RORB: variants seen among roughly 807,000 people sequenced by gnomAD.
RORB encodes nuclear receptor ROR-beta.
A neutral mutation model predicts 59.1 loss-of-function variants in RORB; 6 were observed. That is an observed-to-expected ratio of 0.10 (90% CI 0.06 to 0.20). The LOEUF is 0.20. RORB is among the 10% of genes least tolerant of loss of function. RORB has a pLI of 1.00. For synonymous variants in RORB, 215 were observed against 204.5 expected, an observed-to-expected ratio of 1.05 and a Z score of -0.44; for missense variants, 320 against 560.5, an observed-to-expected ratio of 0.57 and a Z score of 4.33.
At chr9:74,640,399 G>A (rs543325854) in intron 3 of RORB, among the ~76,000 whole-genome samples, 6 of 151,736 alleles carry the variant, frequency 4.0e-5, no homozygotes, top group Admixed American at 6.6e-5. Context: ...ACACCACCAC[G>A]CCCACAAGCA....
chr9:74,641,539 A>G (rs1040202919), intron 3 of RORB, among the ~76,000 whole-genome samples: 18 of 152,304 alleles, frequency 1.2e-4, no homozygotes, highest in African/African-American at 3.8e-4. Context: ...AAGGCAAATG[A>G]TGCCATCACT....
intron 1 of RORB, among the ~76,000 whole-genome samples, chr9:74,551,030 G>A (rs1475972573): frequency 6.6e-6 from 1 of 151,798 alleles, no homozygotes; most frequent in Non-Finnish European, 1.5e-5. Context: ...TTTTTTTAAT[G>A]CAGCTACTAA....
chr9:74,547,892 A>G (rs537643000), intron 1 of RORB, among the ~76,000 whole-genome samples: 33 of 152,366 alleles, frequency 2.2e-4, no homozygotes, highest in African/African-American at 7.5e-4. Flanking sequence ...GCTGCAGAAA[A>G]TAGGCTGAAA....
chr9:74,628,970 T>C (rs1373186200), intron 1 of RORB, among the ~76,000 whole-genome samples: 1 of 152,100 alleles, frequency 6.6e-6, no homozygotes, highest in African/African-American at 2.4e-5. Flanking sequence ...AGAAATCCCA[T>C]GCCCCACCAT....
chr9:74,636,284 C>T lies in RORB; in HGVS notation c.235+1512C>T, dbSNP rs766609350. 1.0e-3 allele frequency among the ~76,000 whole-genome samples: 157 copies of T among 152,100 alleles called. 1 individual carries two copies. The highest frequency in any genetic ancestry group is 1.8e-3 in the Non-Finnish European group (123 of 68,000). On this transcript the variant is annotated intron_variant, in intron 3 of 9. Transcript: ENST00000376896. ...AGGTAGCACTTTAATTCGCAGTGTC[C>T]GAAAAGCTCCATTAATAATTGTGCA...
chr9:74,546,851 G>T (rs1447705569), intron 1 of RORB, among the ~76,000 whole-genome samples: 1 of 152,200 alleles, frequency 6.6e-6, no homozygotes, highest in Non-Finnish European at 1.5e-5. Context: ...GACAATGAGA[G>T]TGAAGACAGA....
At chr9:74,683,058 T>C (rs1824572868) in intron 9 of RORB, among the ~76,000 whole-genome samples, 1 of 152,212 alleles carries the variant, frequency 6.6e-6, no homozygotes, top group African/African-American at 2.4e-5. Context: ...CTGAATCCTC[T>C]AGGAGTAGGT....
At chr9:74,601,403 T>C (rs1172803434) in intron 1 of RORB, among the ~76,000 whole-genome samples, 1 of 150,074 alleles carries the variant, frequency 6.7e-6, no homozygotes. Context: ...TAAAATATTT[T>C]AGTTGCAGAG....
At position 74,687,297 on chromosome 9, in the gene RORB, AACACACACACACTT is replaced by A. The variant is rs1484798571; in HGVS notation, c.*1692_*1705del. 6.6e-6 allele frequency: 1 copy of A among 151,796 alleles called. No individual in the cohort carries two copies. Among genetic ancestry groups the A allele is most frequent in the Non-Finnish European group, 1.5e-5 (1 of 67,910 alleles). The allele number at this position is 151,796 out of a possible 1,614,324, so 9.4% of individuals were successfully genotyped here. On this transcript the variant is annotated 3_prime_UTR_variant, in exon 10 of 10. Transcript: ENST00000376896. ...AAGAACTGCCCTTTTCTCCATATTA[AACACACACACACTT>A]ACACACACACACATACAAACCCCTG...
intron 3 of RORB, among the ~76,000 whole-genome samples, chr9:74,636,564 G>A (rs1823707122): frequency 6.6e-6 from 1 of 152,154 alleles, no homozygotes; most frequent in South Asian, 2.1e-4. Context: ...TTATTCTCAA[G>A]AAGGAAGGAA....
intron 1 of RORB, among the ~76,000 whole-genome samples, chr9:74,581,564 G>T (rs977410066): frequency 1.3e-5 from 2 of 152,162 alleles, no homozygotes; most frequent in African/African-American, 2.4e-5. Flanking sequence ...TGCTTGAGCA[G>T]GAAAAGTTTG....
At chr9:74,499,931 G>T (rs992601409) in intron 1 of RORB, among the ~76,000 whole-genome samples, 3 of 152,174 alleles carry the variant, frequency 2.0e-5, no homozygotes, top group African/African-American at 7.2e-5. Context: ...CGTAGAAGGA[G>T]TGCGGCGCGG....
At chr9:74,617,090 C>G (rs1485039815) in intron 1 of RORB, among the ~76,000 whole-genome samples, 2 of 10,022 alleles carry the variant, frequency 2.0e-4, no homozygotes, top group Admixed American at 1.1e-3. Flanking sequence ...ACCACCCGCT[C>G]CCCCCGCAAA....
chr9:74,576,052 G>A (rs1822629919), intron 1 of RORB, among the ~76,000 whole-genome samples: 1 of 152,102 alleles, frequency 6.6e-6, no homozygotes, highest in Non-Finnish European at 1.5e-5. Context: ...GGTAATTGTG[G>A]ATGTTCAATA....
rs776181757 is a variant in RORB at position 74,692,884 on chromosome 9, A to G, written c.*7266A>G. On this transcript the variant is annotated 3_prime_UTR_variant, in exon 10 of 10. Transcript: ENST00000376896. ...AATATATAAGCCCTAATTTCTGTGT[A>G]TGTGAGTAAAACTGCAGCCTGAGTC... 10 of 152,166 alleles carry G rather than the reference A, an allele frequency of 6.6e-5. No homozygotes were observed. Among genetic ancestry groups the G allele is most frequent in the Non-Finnish European group, 1.3e-4 (9 of 68,028 alleles). The allele number at this position is 152,166 out of a possible 1,614,324, so 9.4% of individuals were successfully genotyped here. A position where few individuals can be genotyped will look rare whatever the true frequency, so the allele number is the denominator to read the frequency against.
At position 74,609,493 on chromosome 9, in the gene RORB, G is replaced by A. The variant is rs188427790; in HGVS notation, c.8-20789G>A. The stretch of plus-strand genomic sequence containing the variant: ...ATACTGCCTCCAGAAGGATACATGA[G>A]TTCAATGTAAAGACTTCAGGAGAAT... On this transcript the variant is annotated intron_variant, in intron 1 of 9. Coordinates refer to ENST00000376896, the MANE Select transcript of RORB (RefSeq NM_006914.4). Among the ~76,000 whole-genome samples the A allele has an allele frequency of 5.3e-3, 803 of 152,200 alleles. 5 individuals are homozygous for A. Among genetic ancestry groups the A allele is most frequent in the Middle Eastern group, 0.031 (9 of 294 alleles).
At chr9:74,645,096 AT>A (rs888388663) in intron 4 of RORB, among the ~76,000 whole-genome samples, 7 of 152,046 alleles carry the variant, frequency 4.6e-5, no homozygotes, top group African/African-American at 1.7e-4. Context: ...ATTTTGGAGG[AT>A]TTTTTTCATC....
rs575396062 is a variant in RORB, at chr9:74,497,660, G to C, written c.-317G>C. The C allele has an allele frequency of 2.2e-6, 1 of 454,844 alleles. No individual in the cohort carries two copies. Among genetic ancestry groups the C allele is most frequent in the Non-Finnish European group, 3.9e-6 (1 of 254,786 alleles). The allele number at this position is 454,844 out of a possible 1,614,324, so 28.2% of individuals were successfully genotyped here. ...AAAAAGCAAGCACATTGGAGAGAAAGAAAAAGAAAAACAAAACCAAAACAA... is the reference window on the plus strand; with the variant it reads ...AAAAAGCAAGCACATTGGAGAGAAACAAAAAGAAAAACAAAACCAAAACAA... On this transcript the variant is annotated 5_prime_UTR_variant, in exon 1 of 10. Transcript: ENST00000376896.
At position 74,688,535 on chromosome 9, in the gene RORB, T is replaced by C. The variant is rs144965129; in HGVS notation, c.*2917T>C. 61 of 151,770 alleles carry C rather than the reference T, an allele frequency of 4.0e-4. 1 individual carries two copies. Among genetic ancestry groups the C allele is most frequent in the African/African-American group, 1.3e-3 (53 of 41,362 alleles). 9.4% of individuals were successfully genotyped at this position (151,770 alleles called of 1,614,324 possible). On this transcript the variant is annotated 3_prime_UTR_variant, in exon 10 of 10. Coordinates refer to ENST00000376896, the MANE Select transcript of RORB (RefSeq NM_006914.4). The stretch of plus-strand genomic sequence containing the variant: ...TCACTTCGTGCTTCATAAATGACAA[T>C]CACTGCTTGATGCAGATGTTGCACT...
Sources: gnomAD v4.1 joint callset for allele counts (sites outside exome capture counted in the v4.1 genomes callset) on GRCh38, gnomAD v4.1.1 for gene constraint, MANE v1.5 for transcripts, NCBI Gene and HGNC (gene_info 2026-07-23, HGNC 2026-07-21) for gene names.